Variants in C16orf87 observed in about 807,000 individuals in gnomAD.
C16orf87 encodes the protein HDAC and MIER1 interacting protein 1.
In C16orf87, 13 loss-of-function variants were observed where a neutral mutation model predicts 21.0. The observed-to-expected ratio is 0.62, with a 90% confidence interval of 0.40 to 0.98. C16orf87 has a LOEUF of 0.98. Ranked by LOEUF, C16orf87 falls within the 50% of genes least tolerant of loss-of-function variation. The pLI is 0.00. For synonymous variants in C16orf87, 49 were observed against 60.2 expected (o/e 0.81, Z 0.86); for missense variants, 113 against 180.4 (o/e 0.63, Z 2.14).
intron 1 of C16orf87, among the ~76,000 whole-genome samples, chr16:46,824,982 ACTG>A (rs1050008083): frequency 6.6e-6 from 1 of 152,102 alleles, no homozygotes; most frequent in African/African-American, 2.4e-5. Flanking sequence ...ATATTCTTCT[ACTG>A]CTTAACAAAA....
intron 2 of C16orf87, among the ~76,000 whole-genome samples, chr16:46,815,816 T>C (rs952837479): frequency 1.3e-5 from 2 of 152,230 alleles, no homozygotes; most frequent in South Asian, 2.1e-4. Context: ...AAATGTAAAA[T>C]GGAGCTGCTA....
intron 3 of C16orf87, among the ~76,000 whole-genome samples, chr16:46,804,445 C>A (rs529018407): frequency 6.6e-6 from 1 of 152,228 alleles, no homozygotes; most frequent in East Asian, 1.9e-4. Context: ...TTTTTTGAGA[C>A]CCTGAATGTC....
chr16:46,817,658 A>C (rs1318190106), intron 2 of C16orf87, among the ~76,000 whole-genome samples: 1 of 152,104 alleles, frequency 6.6e-6, no homozygotes, highest in East Asian at 1.9e-4. Context: ...ACTGCACTCC[A>C]GCCTGGGTGA....
intron 2 of C16orf87, among the ~76,000 whole-genome samples, chr16:46,819,941 C>T (rs1025994383): frequency 2.5e-4 from 38 of 151,978 alleles, no homozygotes; most frequent in South Asian, 6.2e-4. Context: ...CAATATTGTG[C>T]CATTGCACTC....
At chr16:46,822,615 A>T (rs967142208) in intron 2 of C16orf87, among the ~76,000 whole-genome samples, 11 of 152,246 alleles carry the variant, frequency 7.2e-5, no homozygotes, top group Non-Finnish European at 8.8e-5. Context: ...TGCCACTTCT[A>T]TATAGACCTA....
At chr16:46,808,299 C>A (rs971605901) in intron 3 of C16orf87, among the ~76,000 whole-genome samples, 2 of 152,170 alleles carry the variant, frequency 1.3e-5, no homozygotes, top group East Asian at 1.9e-4. Flanking sequence ...TTTAGCCATA[C>A]AATACTAAGA....
chr16:46,807,609 T>C (rs1967968410), intron 3 of C16orf87, among the ~76,000 whole-genome samples: 2 of 152,200 alleles, frequency 1.3e-5, no homozygotes, highest in South Asian at 4.1e-4. Context: ...ACAGAGATAG[T>C]ATGGCCCACA....
intron 1 of C16orf87, among the ~76,000 whole-genome samples, chr16:46,828,729 C>T (rs1488822395): frequency 6.6e-6 from 1 of 152,038 alleles, no homozygotes; most frequent in East Asian, 1.9e-4. Context: ...TACCTAAATT[C>T]GAATTTAATT....
intron 2 of C16orf87, among the ~76,000 whole-genome samples, chr16:46,821,148 G>A (rs1392202989): frequency 6.6e-6 from 1 of 152,142 alleles, no homozygotes; most frequent in African/African-American, 2.4e-5. Context: ...TTGTAAAAAC[G>A]AGAATTACTG....
intron 1 of C16orf87, among the ~76,000 whole-genome samples, chr16:46,829,021 G>C (rs1203799974): frequency 6.6e-6 from 1 of 152,114 alleles, no homozygotes; most frequent in Admixed American, 6.6e-5. Flanking sequence ...TGCACCCCTC[G>C]ACATCCAAAT....
At chr16:46,830,307 A>AGAGAGAGAGAGGGAGAGAGAGT (rs758468161) in intron 1 of C16orf87, among the ~76,000 whole-genome samples, 1 of 109,142 alleles carries the variant, frequency 9.2e-6, no homozygotes, top group Non-Finnish European at 1.8e-5. Context: ...AGAGAGAGAG[A>AGAGAGAGAGAGGGAGAGAGAGT]GACACACAGA....
At chr16:46,825,876 T>C (rs1333312541) in intron 1 of C16orf87, among the ~76,000 whole-genome samples, 2 of 148,752 alleles carry the variant, frequency 1.3e-5, no homozygotes, top group African/African-American at 5.0e-5. Context: ...AGTGCACTAT[T>C]GCACTCTAGC....
intron 2 of C16orf87, among the ~76,000 whole-genome samples, chr16:46,813,114 T>C (rs1178200261): frequency 6.6e-6 from 1 of 152,176 alleles, no homozygotes; most frequent in African/African-American, 2.4e-5. Context: ...TTAAACACTA[T>C]TGTTATGATG....
intron 2 of C16orf87, among the ~76,000 whole-genome samples, chr16:46,816,456 C>A (rs576343786): frequency 6.6e-6 from 1 of 151,974 alleles, no homozygotes; most frequent in East Asian, 1.9e-4. Flanking sequence ...AACAAGATAC[C>A]CTGCTAAAGC....
chr16:46,830,300 GAGAGAGAGAC>G (rs1464148303), intron 1 of C16orf87, among the ~76,000 whole-genome samples: 1 of 148,472 alleles, frequency 6.7e-6, no homozygotes. Context: ...GAGAGAGAGA[GAGAGAGAGAC>G]ACACAGAGAC....
chr16:46,810,307 T>G (rs1968044336), intron 2 of C16orf87, among the ~76,000 whole-genome samples: 1 of 152,176 alleles, frequency 6.6e-6, no homozygotes, highest in African/African-American at 2.4e-5. Flanking sequence ...TAATTTTCAC[T>G]TTAGCCACAG....
chr16:46,811,678 C>A (rs1025673114), intron 2 of C16orf87, among the ~76,000 whole-genome samples: 37 of 152,026 alleles, frequency 2.4e-4, no homozygotes, highest in African/African-American at 7.7e-4. Context: ...TTAAGTGACA[C>A]CATGGGGATA....
At chr16:46,805,528 AG>A (rs1330412631) in intron 3 of C16orf87, among the ~76,000 whole-genome samples, 1 of 152,154 alleles carries the variant, frequency 6.6e-6, no homozygotes, top group Non-Finnish European at 1.5e-5. Context: ...TATTAATAGT[AG>A]TTTATAGTTT....
At chr16:46,830,260 GAGACAGAC>G (rs1379028002) in intron 1 of C16orf87, among the ~76,000 whole-genome samples, 2 of 132,026 alleles carry the variant, frequency 1.5e-5, no homozygotes, top group African/African-American at 2.9e-5. Context: ...GAGATAGAGA[GAGACAGAC>G]AGAGAGAGAG....
Sources: gnomAD v4.1 joint callset for allele counts (sites outside exome capture counted in the v4.1 genomes callset) on GRCh38, gnomAD v4.1.1 for gene constraint, MANE v1.5 for transcripts, NCBI Gene and HGNC (gene_info 2026-07-23, HGNC 2026-07-21) for gene names.